The following INF2 variants were observed in gnomAD, a reference collection of about 807,000 sequenced individuals.
INF2 encodes the protein inverted formin-2.
In INF2, 43 loss-of-function variants were observed where a neutral mutation model predicts 123.5. The ratio of observed to expected loss-of-function variants is 0.35; its 90% CI spans 0.27 to 0.45. The LOEUF (loss-of-function observed/expected upper bound fraction) is 0.45, where lower values mean the gene tolerates loss of function less well. INF2 is among the 20% of genes least tolerant of loss of function. The pLI is 1.00. For synonymous variants in INF2, 851 were observed against 745.0 expected, an observed-to-expected ratio of 1.14 and a Z score of -2.32; for missense variants, 1,453 against 1,682.7, an observed-to-expected ratio of 0.86 and a Z score of 2.39.
upstream of INF2, chr14:104,689,594 GC>G: frequency 4.0e-6 from 1 of 251,130 alleles, no homozygotes; most frequent in Non-Finnish European, 5.5e-6. Context: ...TCTTCCTCCC[GC>G]CCGCCCCGCC....
chr14:104,691,132 T>G (rs1888927463), intron 1 of INF2: 1 of 152,238 alleles, frequency 6.6e-6, no homozygotes, highest in Non-Finnish European at 1.5e-5. Flanking sequence ...GAGTTAACCT[T>G]CAGGTGAGCG....
Position 104,714,502 on chromosome 14 carries a change from C to G in INF2, c.3340C>G (p.Leu1114Val), listed in dbSNP as rs758097778. ...GGGAGATGCTCAGGCCCTGAAGCCC[C>G]TCAAGTTCTCCAGCAACCAGCCCCC... ...TLGDAQALKPLKFSSNQPPAA... is the reference protein window; with the variant it reads ...TLGDAQALKPVKFSSNQPPAA... Residue 1114 changes from leucine (L) to valine (V), a missense_variant, in exon 21 of 23, where the codon CTC (leucine) becomes GTC (valine). Around this residue, in one of 8 missense-constraint regions of INF2, gnomAD observed 344 missense variants for 333.1 expected, o/e 1.03. Transcript: ENST00000392634. The G allele has an allele frequency of 6.2e-7, 1 of 1,612,778 alleles. No individual in the cohort carries two copies.
chr14:104,689,533 C>A, upstream of INF2: 1 of 799,760 alleles, frequency 1.3e-6, no homozygotes, highest in South Asian at 5.6e-5. Flanking sequence ...GCCCCGCCCC[C>A]GGCCCGCGCT....
chr14:104,714,419 T>A lies in INF2; in HGVS notation c.3257T>A (p.Leu1086Gln), dbSNP rs368869709. ...TGGTATGTGGATGCCAGCGATGTCC[T>A]AACCACTGAGGATCCCCAGTGCCCC... is the stretch of plus-strand genomic sequence containing the variant. ...SSWYVDASDVLTTEDPQCPQP... is the reference protein window; with the variant it reads ...SSWYVDASDVQTTEDPQCPQP... The change falls in exon 21 of 23, where the codon CTA becomes CAA. Residue 1086 changes from leucine to glutamine, a missense_variant. Leu to Gln is a moderately radical substitution (Grantham distance 113). Coordinates refer to ENST00000392634, the MANE Select transcript of INF2 (RefSeq NM_022489.4). 5.0e-6 allele frequency: 8 copies of A among 1,607,810 alleles called. No homozygotes were observed. The highest frequency in any genetic ancestry group is 2.7e-5 in the African/African-American group (2 of 74,780).
intron 1 of INF2, among the ~76,000 whole-genome samples, chr14:104,682,968 A>G (rs937656231): frequency 1.3e-5 from 2 of 152,028 alleles, no homozygotes; most frequent in Non-Finnish European, 2.9e-5. Context: ...GCTCAGAGTA[A>G]CACGGCTATA....
At chr14:104,694,546 G>A (rs938110638) in intron 1 of INF2, among the ~76,000 whole-genome samples, 7 of 152,214 alleles carry the variant, frequency 4.6e-5, no homozygotes, top group Non-Finnish European at 8.8e-5. Context: ...GTGGCATCTC[G>A]TCAATCTGTC....
chr14:104,704,038 T>C, intron 5 of INF2, 89 bp downstream of exon 5: 1 of 1,592,134 alleles, frequency 6.3e-7, no homozygotes, highest in Non-Finnish European at 8.5e-7. Context: ...CCACCTCACC[T>C]AAGCAGCACC....
intron 1 of INF2, among the ~76,000 whole-genome samples, chr14:104,682,281 C>G (rs1470474157): frequency 6.6e-6 from 1 of 151,838 alleles, no homozygotes; most frequent in African/African-American, 2.4e-5. Context: ...GAGCCTTGCC[C>G]AAGGGGCTTT....
At chr14:104,687,398 G>A (rs958697117), upstream of INF2, among the ~76,000 whole-genome samples, 1 of 151,690 alleles carries the variant, frequency 6.6e-6, no homozygotes, top group Non-Finnish European at 1.5e-5. This position sits in a 1 kb window ranked among gnomAD's most constrained non-coding sequence, Gnocchi z 5.6. Context: ...CAAGCCTGAC[G>A]GAAAACCCCC....
At chr14:104,709,179 C>T in intron 10 of INF2, 102 bp from the exon 11 acceptor site, 3 of 863,614 alleles carry the variant, frequency 3.5e-6, no homozygotes, top group South Asian at 1.5e-5. Flanking sequence ...CCTGGCCACC[C>T]CATGACTACG....
chr14:104,681,314 G>C (rs138302078), exon 1 of INF2: 1 of 412,348 alleles, frequency 2.4e-6, no homozygotes, highest in Non-Finnish European at 4.9e-6. Flanking sequence ...CCAGCGAAAG[G>C]TGAAAAGAGG....
chr14:104,694,852 G>A (rs956460785), intron 1 of INF2, among the ~76,000 whole-genome samples: 7 of 152,194 alleles, frequency 4.6e-5, no homozygotes, highest in Admixed American at 1.3e-4. Flanking sequence ...GCGGGCAGCC[G>A]TCTTGTCTTG....
intron 22 of INF2, among the ~76,000 whole-genome samples, chr14:104,716,436 C>T (rs1279177519): frequency 6.6e-6 from 1 of 152,226 alleles, no homozygotes; most frequent in Non-Finnish European, 1.5e-5. Context: ...TAGAAAGGTG[C>T]TGGCATCTCC....
At position 104,706,921 on chromosome 14, in the gene INF2, C is replaced by A; in HGVS notation, c.855C>A (p.Ser285=). The A allele has an allele frequency of 6.2e-7, 1 of 1,604,402 alleles. No individual in the cohort carries two copies. The highest frequency in any genetic ancestry group is 8.5e-7 in the Non-Finnish European group (1 of 1,179,338). ...ACTCGCCCGTCCAGGTGAGCTGCTC[C>A]CCGGTGTCTGCCCAGCTCCTGTCGG... The part of the protein sequence containing the change: ...FASLFHKVSC[S]PVSAQLLSVL... Residue 285 remains serine (S), a synonymous_variant, in exon 7 of 23, where the codon TCC becomes TCA. Coordinates refer to ENST00000392634, the MANE Select transcript of INF2 (RefSeq NM_022489.4).
intron 22 of INF2, among the ~76,000 whole-genome samples, chr14:104,717,033 T>C (rs78802578): frequency 0.013 from 2,044 of 152,288 alleles, 36 homozygotes; most frequent in African/African-American, 0.047. Flanking sequence ...CACAGGAAAC[T>C]GCATAGATCA....
At chr14:104,709,124 C>T (rs997755633) in intron 10 of INF2, among the ~76,000 whole-genome samples, 157 bp from the exon 11 acceptor site, 2 of 152,156 alleles carry the variant, frequency 1.3e-5, no homozygotes, top group East Asian at 3.9e-4. Context: ...TCCCCTTCAC[C>T]GCGTGACCGT....
chr14:104,686,345 T>C (rs112712988), upstream of INF2, among the ~76,000 whole-genome samples: 146 of 135,410 alleles, frequency 1.1e-3, 1 homozygote, highest in Middle Eastern at 4.3e-3. Flanking sequence ...TAAGGGTGAA[T>C]AGGTGGATGG....
At chr14:104,686,039 A>C (rs570486843), upstream of INF2, among the ~76,000 whole-genome samples, 10 of 139,178 alleles carry the variant, frequency 7.2e-5, no homozygotes, top group Non-Finnish European at 1.4e-4. Context: ...GGGTGGGTGG[A>C]TGGACAAATA....
Position 104,712,401 on chromosome 14 carries a change from G to A in INF2, c.2490-32G>A, listed in dbSNP as rs199892463. The A allele has an allele frequency of 1.9e-3, 3,128 of 1,611,238 alleles. 8 individuals carry two copies. The highest frequency in any genetic ancestry group is 2.2e-3 in the Non-Finnish European group (2,594 of 1,179,212). On this transcript the variant is annotated intron_variant, in intron 16 of 22. Transcript: ENST00000392634. ...CCCAGCGAGGCTGACGTCAGCCGTTGCTGTCTCTGCCCGGCCCTCCTCACC... is the reference window on the plus strand; with the variant it reads ...CCCAGCGAGGCTGACGTCAGCCGTTACTGTCTCTGCCCGGCCCTCCTCACC...
Sources: allele counts gnomAD v4.1 joint callset (sites outside exome capture counted in the v4.1 genomes callset), GRCh38; gene constraint gnomAD v4.1.1; regional missense constraint gnomAD v4.1.1; non-coding constraint Gnocchi (gnomAD v3.1); transcripts MANE v1.5; gene names NCBI Gene and HGNC (gene_info 2026-07-23, HGNC 2026-07-21).